Variants in PXDN observed in about 807,000 individuals in gnomAD.
PXDN encodes peroxidasin.
Under a neutral mutation model 140.3 loss-of-function variants are expected in PXDN, and 77 were observed. The ratio of observed to expected loss-of-function variants is 0.55; its 90% CI spans 0.46 to 0.66. PXDN has a LOEUF of 0.66. PXDN is among the 30% of genes least tolerant of loss of function. The pLI is 0.00. For missense variants in PXDN, 1,838 were observed against 2,039.5 expected, an observed-to-expected ratio of 0.90 and a Z score of 1.90; for synonymous variants, 911 against 857.4, an observed-to-expected ratio of 1.06 and a Z score of -1.09.
intron 9 of PXDN, among the ~76,000 whole-genome samples, chr2:1,671,087 TA>T (rs530097193): frequency 4.1e-5 from 6 of 148,096 alleles, no homozygotes; most frequent in East Asian, 2.0e-4. Flanking sequence ...TTTATAGGTT[TA>T]AAAAAAAAAC....
Position 1,654,508 on chromosome 2 carries a change from A to G in PXDN, c.1838T>C (p.Val613Ala), listed in dbSNP as rs1338239590. 2 of 1,608,878 alleles carry G rather than the reference A, an allele frequency of 1.2e-6. No individual in the cohort carries two copies. Among genetic ancestry groups the G allele is most frequent in the East Asian group, 4.5e-5 (2 of 44,828 alleles). ...ASVSMVLSVNVPDVSRNGDPF... is the reference protein window; with the variant it reads ...ASVSMVLSVNAPDVSRNGDPF... ...ATCTCCATTTCGACTGACGTCAGGAACTAGGAAAATACAAAGTCGCGTATT... is the reference window on the plus strand; with the variant it reads ...ATCTCCATTTCGACTGACGTCAGGAGCTAGGAAAATACAAAGTCGCGTATT... The change falls in exon 15 of 23, where the codon GTT (valine) becomes GCT (alanine). Residue 613 changes from valine (V) to alanine (A), a missense_variant and splice_region_variant. By Grantham distance (64) the Val-to-Ala change is moderately conservative (BLOSUM62 0). Transcript: ENST00000252804.
chr2:1,737,783 C>T (rs1685454441), intron 1 of PXDN, among the ~76,000 whole-genome samples: 1 of 152,166 alleles, frequency 6.6e-6, no homozygotes, highest in Admixed American at 6.5e-5. Flanking sequence ...AGGTGATCTG[C>T]CCACCTCAGC....
chr2:1,648,971 G>A lies in PXDN; in HGVS notation c.2809C>T (p.Arg937Trp), dbSNP rs373870490. ...CCGGACCGCTGCACGATGCCCTGCC[G>A]CAGCAGGCCGCGGTGGCTGGCCAGG... ...RDLASHRGLL[R>W]QGIVQRSGKP... The change falls in exon 17 of 23, where the codon CGG (arginine) becomes TGG (tryptophan). Residue 937 changes from arginine (R) to tryptophan (W), a missense_variant. Transcript: ENST00000252804. This position sits in a 1 kb window ranked among gnomAD's most constrained non-coding sequence, Gnocchi z 8.9. 94 of 1,606,058 alleles carry A rather than the reference G, an allele frequency of 5.9e-5. No homozygotes were observed. The highest frequency in any genetic ancestry group is 3.7e-4 in the South Asian group (34 of 90,770).
Position 1,649,075 on chromosome 2 carries a change from T to C in PXDN, c.2705A>G (p.Gln902Arg). The C allele has an allele frequency of 6.2e-7, 1 of 1,612,650 alleles. No individual in the cohort carries two copies. Among genetic ancestry groups the C allele is most frequent in the East Asian group, 2.2e-5 (1 of 44,828 alleles). Residue 902 changes from glutamine (Q) to arginine (R), a missense_variant, in exon 17 of 23, where the codon CAG becomes CGG. Gln to Arg is a conservative substitution (Grantham distance 43, BLOSUM62 1). This residue lies in a region of PXDN where 850 missense variants were observed against 894.1 expected (regional missense o/e 0.95). Coordinates refer to ENST00000252804, the MANE Select transcript of PXDN (RefSeq NM_012293.3). The surrounding 1 kb of genome is among the most constrained non-coding windows in gnomAD (Gnocchi z 7.1). ...LLMNSVYPRE[Q>R]INQLTSYIDA... is the part of the protein sequence containing the mutation. ...TATGTAGGAGGTGAGCTGGTTGATC[T>C]GCTCCCGCGGGTACACGGAGTTCAT...
chr2:1,655,316 C>T lies in PXDN; in HGVS notation c.1838-808G>A, dbSNP rs115534996. Among the ~76,000 whole-genome samples, 1,394 of 151,296 alleles carry T rather than the reference C, an allele frequency of 9.2e-3. 16 individuals carry two copies. Among genetic ancestry groups the T allele is most frequent in the African/African-American group, 0.032 (1,333 of 41,218 alleles). ...CGCCACACATAACACATCACACACA[C>T]GCCACACACAGATACATACCACACA... On this transcript the variant is annotated intron_variant, in intron 14 of 22. Coordinates refer to ENST00000252804, the MANE Select transcript of PXDN (RefSeq NM_012293.3).
chr2:1,705,725 C>T, intron 1 of PXDN, among the ~76,000 whole-genome samples: 1 of 149,458 alleles, frequency 6.7e-6, no homozygotes. Context: ...GGTGCAGCTC[C>T]CCACAACCTG....
chr2:1,644,814 C>A, intron 17 of PXDN, 62 bp from the exon 18 acceptor site: 1 of 1,328,928 alleles, frequency 7.5e-7, no homozygotes. Context: ...AAAAATACAG[C>A]AAATATAAAA....
Position 1,649,134 on chromosome 2 carries a change from G to T in PXDN, c.2646C>A (p.Ser882Arg). 1 of 1,612,696 alleles carries T rather than the reference G, an allele frequency of 6.2e-7. No individual in the cohort carries two copies. Among genetic ancestry groups the T allele is most frequent in the South Asian group, 1.1e-5 (1 of 91,054 alleles). ...GARCMFFVRS[S>R]PVCGSGMTSL... ...AAGTCATGCCGCTGCCGCACACAGG[G>T]CTGGAGCGCACGAAGAACATGCAGC... is the stretch of plus-strand genomic sequence containing the variant. The change falls in exon 17 of 23, where the codon AGC (serine) becomes AGA (arginine). Residue 882 changes from serine (S) to arginine (R), a missense_variant. By Grantham distance (110) the Ser-to-Arg change is moderately radical (BLOSUM62 -1). Around this residue, in one of 5 missense-constraint regions of PXDN, gnomAD observed 850 missense variants for 894.1 expected, o/e 0.95. Transcript: ENST00000252804. This position sits in a 1 kb window ranked among gnomAD's most constrained non-coding sequence, Gnocchi z 7.1.
At chr2:1,658,879 T>C (rs1572135019) in intron 14 of PXDN, among the ~76,000 whole-genome samples, 1 of 149,838 alleles carries the variant, frequency 6.7e-6, no homozygotes, top group African/African-American at 2.5e-5. Context: ...CGCAGGCGAG[T>C]GCTGACCACC....
chr2:1,734,214 T>G (rs1685379310), intron 1 of PXDN, among the ~76,000 whole-genome samples: 1 of 152,230 alleles, frequency 6.6e-6, no homozygotes, highest in Non-Finnish European at 1.5e-5. Context: ...TGTTTTGGTC[T>G]CCCAGTACAT....
chr2:1,720,219 GGGAT>G (rs1685002306), intron 1 of PXDN, among the ~76,000 whole-genome samples: 1 of 105,164 alleles, frequency 9.5e-6, no homozygotes, highest in Non-Finnish European at 2.0e-5. Flanking sequence ...GAGAGAGGGA[GGGAT>G]GCAGAGAGAG....
intron 22 of PXDN, 72 bp downstream of exon 22, chr2:1,635,336 C>T (rs965206812): frequency 1.4e-5 from 19 of 1,340,756 alleles, no homozygotes; most frequent in Non-Finnish European, 2.0e-5. Context: ...GGGCCACCCA[C>T]CTGAGTGGTC....
upstream of PXDN, chr2:1,744,782 G>A (rs116077771): frequency 0.019 from 4,281 of 228,706 alleles, 68 homozygotes; most frequent in South Asian, 0.043. Flanking sequence ...GGGCCTACGC[G>A]AAGCTTCTCC....
At chr2:1,667,378 T>C (rs1419941993) in intron 9 of PXDN, among the ~76,000 whole-genome samples, 1 of 151,950 alleles carries the variant, frequency 6.6e-6, no homozygotes. Context: ...CCCAAAGAAA[T>C]ACAAACTACC....
At chr2:1,715,786 A>T (rs2125474326) in intron 1 of PXDN, among the ~76,000 whole-genome samples, 1 of 152,304 alleles carries the variant, frequency 6.6e-6, no homozygotes, top group Middle Eastern at 3.4e-3. Context: ...TGCCCAGCCC[A>T]ACCTCTGCAG....
intron 14 of PXDN, among the ~76,000 whole-genome samples, chr2:1,659,164 C>T (rs1196213778): frequency 1.3e-5 from 2 of 152,248 alleles, no homozygotes; most frequent in East Asian, 3.9e-4. Context: ...CATGTGCTCA[C>T]ACCGGACTAT....
chr2:1,657,320 A>AGAAACCAGCCCCAACCTGACT (rs1231450762), intron 14 of PXDN, among the ~76,000 whole-genome samples: 9 of 136,370 alleles, frequency 6.6e-5, no homozygotes, highest in Admixed American at 2.2e-4. Flanking sequence ...CCCTCCTGAC[A>AGAAACCAGCCCCAACCTGACT]GAAACCAGCC....
chr2:1,642,991 T>C (rs990441125), intron 19 of PXDN, among the ~76,000 whole-genome samples: 6 of 152,242 alleles, frequency 3.9e-5, no homozygotes, highest in African/African-American at 9.6e-5. Context: ...CCTGATATAT[T>C]TGATATGCTT....
chr2:1,683,379 G>C (rs1280538373), intron 6 of PXDN, among the ~76,000 whole-genome samples: 1 of 152,098 alleles, frequency 6.6e-6, no homozygotes, highest in African/African-American at 2.4e-5. Context: ...TCATGCCACT[G>C]CACTCCAGCC....
Sources: gnomAD v4.1 joint callset for allele counts (sites outside exome capture counted in the v4.1 genomes callset) on GRCh38, gnomAD v4.1.1 for gene constraint, gnomAD v4.1.1 regional missense constraint, Gnocchi (gnomAD v3.1) non-coding constraint, MANE v1.5 for transcripts, NCBI Gene and HGNC (gene_info 2026-07-23, HGNC 2026-07-21) for gene names.